Variants in DCAF5 observed in about 807,000 individuals in gnomAD.
DCAF5 encodes DDB1 and CUL4 associated factor 5, also known as DDB1- and CUL4-associated factor 5.
Under a neutral mutation model 80.7 loss-of-function variants are expected in DCAF5, and 9 were observed. The observed-to-expected ratio is 0.11, with a 90% confidence interval of 0.07 to 0.19. DCAF5 has a LOEUF of 0.19. DCAF5 is among the 10% of genes least tolerant of loss of function. The probability of loss-of-function intolerance (pLI) is 1.00; values close to 1 mark genes in which losing one functional copy is unlikely to be tolerated. For missense variants in DCAF5, 842 were observed against 1,205.7 expected (o/e 0.70, Z 4.47); for synonymous variants, 433 against 461.9 (o/e 0.94, Z 0.80).
intron 5 of DCAF5, among the ~76,000 whole-genome samples, chr14:69,111,509 C>T (rs1362603368): frequency 6.6e-6 from 1 of 152,170 alleles, no homozygotes; most frequent in Non-Finnish European, 1.5e-5. Flanking sequence ...ATAGAACTAA[C>T]AGTTCCTGAC....
chr14:69,116,606 A>G, intron 4 of DCAF5, 111 bp from the exon 5 acceptor site: 2 of 1,335,832 alleles, frequency 1.5e-6, no homozygotes, highest in Admixed American at 4.1e-5. Flanking sequence ...AACCACTCCA[A>G]CGGCCTGGAG....
At chr14:69,112,368 A>G (rs1311096538) in intron 5 of DCAF5, among the ~76,000 whole-genome samples, 1 of 152,132 alleles carries the variant, frequency 6.6e-6, no homozygotes. Context: ...TTTGAAAGGA[A>G]TTCTGAAAAA....
intron 6 of DCAF5, among the ~76,000 whole-genome samples, chr14:69,082,464 C>A (rs61981631): frequency 4.1e-5 from 1 of 24,532 alleles, no homozygotes; most frequent in Non-Finnish European, 1.4e-4. Context: ...AGAAAAAATT[C>A]TATTAAGGAA....
Position 69,085,284 on chromosome 14 carries a change from AG to A in DCAF5, c.879+6389del, listed in dbSNP as rs1267021907. ...ATGAAGGCAAGCAGAAAAAGCGAGT[AG>A]GCAGTGGTGGATTTGGCTACCAGAA... On this transcript the variant is annotated intron_variant, in intron 6 of 8. Transcript: ENST00000341516. 5.6e-6 allele frequency: 4 copies of A among 717,860 alleles called. No individual in the cohort carries two copies. In the East Asian group the frequency reaches 1.1e-4, roughly 20 times the overall value. 44.5% of individuals were successfully genotyped at this position (717,860 alleles called of 1,614,324 possible).
Position 69,152,796 on chromosome 14 carries a change from G to A in DCAF5, c.183C>T (p.Phe61=), listed in dbSNP as rs771221190. 1 of 1,614,024 alleles carries A rather than the reference G, an allele frequency of 6.2e-7. No homozygotes were observed. The highest frequency in any genetic ancestry group is 2.2e-5 in the East Asian group (1 of 44,868). ...CCAGCCACTGGCCTCCATTGTTGGA[G>A]AATTCAATGGCATTGACACAGCCGA... ...GHFGCVNAIE[F]SNNGGQWLVS... The change falls in exon 1 of 9, where the codon TTC becomes TTT. Residue 61 remains phenylalanine, a synonymous_variant. Transcript: ENST00000341516. The surrounding 1 kb of genome is among the most constrained non-coding windows in gnomAD (Gnocchi z 4.1).
chr14:69,147,226 G>A (rs2041565782), intron 1 of DCAF5, among the ~76,000 whole-genome samples: 1 of 152,168 alleles, frequency 6.6e-6, no homozygotes. Flanking sequence ...TATTCACAAA[G>A]TATTTTGAAC....
At chr14:69,150,037 T>C (rs879565259) in intron 1 of DCAF5, among the ~76,000 whole-genome samples, 19 of 152,238 alleles carry the variant, frequency 1.2e-4, no homozygotes, top group Admixed American at 7.8e-4. Context: ...AGGAGGAACT[T>C]TCTGTTAACA....
intron 2 of DCAF5, among the ~76,000 whole-genome samples, chr14:69,120,226 G>A (rs763338173): frequency 6.6e-6 from 1 of 152,052 alleles, no homozygotes; most frequent in Non-Finnish European, 1.5e-5. Flanking sequence ...TGGAACTACA[G>A]GCATGTGTCA....
intron 8 of DCAF5, among the ~76,000 whole-genome samples, chr14:69,060,382 C>T (rs1224580315): frequency 6.6e-6 from 1 of 152,052 alleles, no homozygotes; most frequent in Non-Finnish European, 1.5e-5. Context: ...ATCTGTAAAA[C>T]GAAAAAGTAA....
At position 69,062,271 on chromosome 14, in the gene DCAF5, C is replaced by T. The variant is rs1050461478; in HGVS notation, c.1074+113G>A. 3.5e-6 allele frequency: 4 copies of T among 1,143,668 alleles called. No individual in the cohort carries two copies. The African/African-American group carries it at 6.3e-5, about 18-fold the overall frequency. The allele number at this position is 1,143,668 out of a possible 1,614,324, so 70.8% of individuals were successfully genotyped here. ...TGTAATATGTTAAAATCTGAGAATTCTGATAGACCTTTAGTATGTTTAAAT... is the reference window on the plus strand; with the variant it reads ...TGTAATATGTTAAAATCTGAGAATTTTGATAGACCTTTAGTATGTTTAAAT... On this transcript the variant is annotated intron_variant, in intron 8 of 8. Transcript: ENST00000341516.
rs200705569 is a variant in DCAF5 at position 69,098,823 on chromosome 14, G to T, written c.666-6936C>A. Among the ~76,000 whole-genome samples the T allele has an allele frequency of 6.8e-5, 10 of 146,796 alleles. No homozygotes were observed. In the East Asian group the frequency reaches 1.4e-3, roughly 20 times the overall value. ...TGAGGCAGGAGAATGGCATGAGGAG[G>T]CGGAGCTTGTAGTGAGCCGAGATCA... On this transcript the variant is annotated intron_variant, in intron 5 of 8. Transcript: ENST00000341516.
chr14:69,074,933 C>T (rs1427603652), intron 7 of DCAF5, among the ~76,000 whole-genome samples: 2 of 151,710 alleles, frequency 1.3e-5, no homozygotes, highest in African/African-American at 4.8e-5. Flanking sequence ...ACTCAGGAGG[C>T]TGAGGCAGGA....
intron 5 of DCAF5, among the ~76,000 whole-genome samples, chr14:69,095,089 CAG>C (rs962054941): frequency 1.4e-4 from 21 of 152,144 alleles, no homozygotes; most frequent in African/African-American, 3.9e-4. Context: ...CTCTTCAGAT[CAG>C]AGTTATACTC....
intron 6 of DCAF5, chr14:69,083,863 G>A: frequency 2.6e-6 from 2 of 755,386 alleles, no homozygotes; most frequent in South Asian, 1.4e-5. Flanking sequence ...AGATGACAGT[G>A]AGATGCCCAG....
intron 1 of DCAF5, among the ~76,000 whole-genome samples, chr14:69,126,315 G>A (rs1372532640): frequency 1.3e-5 from 2 of 151,362 alleles, no homozygotes; most frequent in South Asian, 2.1e-4. Flanking sequence ...CCACCACCAC[G>A]CCCAGCTCAT....
chr14:69,111,650 G>A (rs2040370386), intron 5 of DCAF5, among the ~76,000 whole-genome samples: 1 of 152,188 alleles, frequency 6.6e-6, no homozygotes, highest in South Asian at 2.1e-4. Context: ...CTAGACATTA[G>A]AGGATCTCAG....
At chr14:69,059,574 C>T (rs1373719235) in intron 8 of DCAF5, among the ~76,000 whole-genome samples, 1 of 152,196 alleles carries the variant, frequency 6.6e-6, no homozygotes, top group Non-Finnish European at 1.5e-5. Flanking sequence ...CGAGACTCAG[C>T]GGCCTTTCAG....
chr14:69,120,686 C>T (rs1173673401), intron 2 of DCAF5, among the ~76,000 whole-genome samples: 1 of 152,138 alleles, frequency 6.6e-6, no homozygotes, highest in African/African-American at 2.4e-5. Flanking sequence ...TAAACAAAGG[C>T]CTGGCTGTAA....
At chr14:69,081,014 T>TA (rs2039079239) in intron 6 of DCAF5, among the ~76,000 whole-genome samples, 1 of 150,794 alleles carries the variant, frequency 6.6e-6, no homozygotes, top group Admixed American at 6.6e-5. Flanking sequence ...GCTTTAGTAC[T>TA]AAAAAAAGGC....
Sources: allele counts gnomAD v4.1 joint callset (sites outside exome capture counted in the v4.1 genomes callset), GRCh38; gene constraint gnomAD v4.1.1; non-coding constraint Gnocchi (gnomAD v3.1); transcripts MANE v1.5; gene names NCBI Gene and HGNC (gene_info 2026-07-23, HGNC 2026-07-21).